MS4A4E: variants seen among roughly 807,000 people sequenced by gnomAD.
The protein encoded by MS4A4E is putative membrane-spanning 4-domains subfamily A member 4E.
In MS4A4E, 23 loss-of-function variants were observed where a neutral mutation model predicts 13.3. That is an observed-to-expected ratio of 1.73 (90% confidence interval 1.25 to 2.45). MS4A4E has a LOEUF of 2.45. Ranked by LOEUF, MS4A4E falls within the 30% of genes most tolerant of loss-of-function variation. The probability of loss-of-function intolerance (pLI) is 0.00; values close to 1 mark genes in which losing one functional copy is unlikely to be tolerated. For missense variants in MS4A4E, 144 were observed against 131.2 expected (o/e 1.10, Z -0.48); for synonymous variants, 36 against 45.6 (o/e 0.79, Z 0.85).
chr11:60,239,163 GA>G (rs1431265381), intron 1 of MS4A4E, among the ~76,000 whole-genome samples: 1 of 152,082 alleles, frequency 6.6e-6, no homozygotes, highest in Non-Finnish European at 1.5e-5. Flanking sequence ...AAATTACCCG[GA>G]TTTAAATTTT....
chr11:60,226,573 G>A (rs976377273), intron 3 of MS4A4E, among the ~76,000 whole-genome samples: 1 of 152,138 alleles, frequency 6.6e-6, no homozygotes, highest in Non-Finnish European at 1.5e-5. Context: ...GAAAAATATT[G>A]AGCAAAATCC....
chr11:60,222,785 C>T (rs1219425215), intron 3 of MS4A4E, among the ~76,000 whole-genome samples: 1 of 152,108 alleles, frequency 6.6e-6, no homozygotes, highest in African/African-American at 2.4e-5. Flanking sequence ...TTGGGCTCCT[C>T]TTACCTCTAA....
chr11:60,241,536 T>C (rs535481174), intron 1 of MS4A4E, among the ~76,000 whole-genome samples: 1 of 152,296 alleles, frequency 6.6e-6, no homozygotes, highest in South Asian at 2.1e-4. Flanking sequence ...CCATAATTCT[T>C]TGGTAACATA....
intron 3 of MS4A4E, among the ~76,000 whole-genome samples, chr11:60,226,336 A>G (rs1373569354): frequency 1.3e-5 from 2 of 152,042 alleles, no homozygotes; most frequent in African/African-American, 4.8e-5. Flanking sequence ...ATTACAAGAA[A>G]AGAAAACTGC....
intron 1 of MS4A4E, among the ~76,000 whole-genome samples, chr11:60,239,396 T>C (rs1422835639): frequency 2.0e-5 from 3 of 152,174 alleles, no homozygotes. Context: ...AAAACATAAA[T>C]TTCCTCTAAC....
In MS4A4E at chr11:60,208,534, C is replaced by G. The variant is rs1047755065; in HGVS notation, c.483+59G>C. 2.6e-5 allele frequency: 16 copies of G among 616,450 alleles called. No individual in the cohort carries two copies. In the African/African-American group the frequency reaches 2.7e-4, roughly 10 times the overall value. 38.2% of individuals were successfully genotyped at this position (616,450 alleles called of 1,614,324 possible). A position where few individuals can be genotyped will look rare whatever the true frequency, so the allele number is the denominator to read the frequency against. On this transcript the variant is annotated intron_variant, in intron 6 of 8. Transcript: ENST00000651255. ...GTGTTAAGACTATAAGTTTGTTTAA[C>G]TGATTATACAGCAATACAAAAGTAA...
At chr11:60,231,393 CA>C (rs2084409893) in intron 1 of MS4A4E, among the ~76,000 whole-genome samples, 1 of 151,678 alleles carries the variant, frequency 6.6e-6, no homozygotes, top group African/African-American at 2.4e-5. Context: ...AGAATGTAAC[CA>C]AAAAGTCAAT....
At chr11:60,227,543 T>C (rs1164665030) in intron 3 of MS4A4E, among the ~76,000 whole-genome samples, 3 of 151,878 alleles carry the variant, frequency 2.0e-5, no homozygotes, top group African/African-American at 7.3e-5. Context: ...AGCGCCAGAC[T>C]CCATCTCAAA....
chr11:60,240,782 C>T (rs2084538631), intron 1 of MS4A4E, among the ~76,000 whole-genome samples: 2 of 152,142 alleles, frequency 1.3e-5, no homozygotes, highest in Admixed American at 1.3e-4. Context: ...ACCACAGCAT[C>T]TAATCTTCTC....
At chr11:60,216,330 T>C (rs1005991092) in intron 3 of MS4A4E, among the ~76,000 whole-genome samples, 3 of 151,932 alleles carry the variant, frequency 2.0e-5, no homozygotes, top group African/African-American at 2.4e-5. Flanking sequence ...GAAAAGAAAA[T>C]GGACATGAAA....
At chr11:60,203,247 C>T (rs1433463980) in intron 8 of MS4A4E, among the ~76,000 whole-genome samples, 1 of 151,970 alleles carries the variant, frequency 6.6e-6, no homozygotes, top group Non-Finnish European at 1.5e-5. Context: ...TATATGTCAC[C>T]TATCAGTATC....
intron 1 of MS4A4E, among the ~76,000 whole-genome samples, chr11:60,236,566 T>C (rs904775558): frequency 7.9e-5 from 12 of 152,136 alleles, no homozygotes; most frequent in Non-Finnish European, 1.5e-5. Context: ...ATTGTTGTCT[T>C]AATTTCATTT....
intron 3 of MS4A4E, among the ~76,000 whole-genome samples, chr11:60,225,402 C>G (rs980791234): frequency 6.6e-6 from 1 of 152,076 alleles, no homozygotes; most frequent in African/African-American, 2.4e-5. Context: ...TTGTCACACA[C>G]TCAGAGAAAA....
intron 1 of MS4A4E, among the ~76,000 whole-genome samples, chr11:60,240,891 C>G (rs2084540098): frequency 1.3e-5 from 2 of 152,186 alleles, no homozygotes; most frequent in Middle Eastern, 3.2e-3. Context: ...CTAGTGGTAA[C>G]TAAGGATTTA....
intron 3 of MS4A4E, among the ~76,000 whole-genome samples, chr11:60,216,926 C>T (rs1487601513): frequency 6.6e-6 from 1 of 152,148 alleles, no homozygotes; most frequent in Non-Finnish European, 1.5e-5. Flanking sequence ...ATACATCTAT[C>T]CTATTAGTTC....
intron 6 of MS4A4E, among the ~76,000 whole-genome samples, chr11:60,206,489 G>GTGTATATATATATATA (rs2084046381): frequency 1.0e-5 from 1 of 97,572 alleles, no homozygotes; most frequent in African/African-American, 4.5e-5. Context: ...ATATATATAT[G>GTGTATATATATATATA]TATATATATA....
chr11:60,241,201 T>G (rs1337242504), intron 1 of MS4A4E, among the ~76,000 whole-genome samples: 4 of 152,114 alleles, frequency 2.6e-5, no homozygotes, highest in Non-Finnish European at 5.9e-5. Context: ...TTTTTTTGTA[T>G]TTTTAGTAGA....
At chr11:60,216,568 T>C (rs2084196877) in intron 3 of MS4A4E, among the ~76,000 whole-genome samples, 1 of 151,628 alleles carries the variant, frequency 6.6e-6, no homozygotes, top group Non-Finnish European at 1.5e-5. Context: ...AGTAAGAGTT[T>C]AATAAAAAGC....
At position 60,207,229 on chromosome 11, in the gene MS4A4E, G is replaced by A. The variant is rs75827159; in HGVS notation, c.483+1364C>T. ...GTGCAACATTCGATTGGTAGGGCAC[G>A]GTGGGGGACCAGGAAGAGATAGAGA... On this transcript the variant is annotated intron_variant, in intron 6 of 8. Coordinates refer to ENST00000651255, the MANE Select transcript of MS4A4E (RefSeq NM_001393391.1). 6.6e-3 allele frequency among the ~76,000 whole-genome samples: 1,002 copies of A among 152,222 alleles called. 11 individuals carry two copies. The highest frequency in any genetic ancestry group is 0.023 in the African/African-American group (948 of 41,524).
Sources: gnomAD v4.1 joint callset for allele counts (sites outside exome capture counted in the v4.1 genomes callset) on GRCh38, gnomAD v4.1.1 for gene constraint, MANE v1.5 for transcripts, NCBI Gene and HGNC (gene_info 2026-07-23, HGNC 2026-07-21) for gene names.